MS4A18: variants seen among roughly 807,000 people sequenced by gnomAD.
MS4A18 encodes the protein membrane spanning 4-domains A18, also known as membrane-spanning 4-domains subfamily A member 18.
Under a neutral mutation model 13.1 loss-of-function variants are expected in MS4A18, and 27 were observed. The ratio of observed to expected loss-of-function variants is 2.06; its 90% CI spans 1.52 to 2.84. The LOEUF is 2.84. Among genes scored for constraint, MS4A18 ranks in the 30% most tolerant of loss-of-function variants. The pLI is 0.00. For missense variants in MS4A18, 307 were observed against 196.4 expected, an observed-to-expected ratio of 1.56 and a Z score of -3.37; for synonymous variants, 126 against 76.5, an observed-to-expected ratio of 1.65 and a Z score of -3.38.
At chr11:60,737,063 C>G in intron 3 of MS4A18, 29 bp downstream of exon 4, 1 of 701,048 alleles carries the variant, frequency 1.4e-6, no homozygotes, top group Non-Finnish European at 2.6e-6. Context: ...TTTGATGATC[C>G]TTGAATGTTA....
intron 1 of MS4A18, among the ~76,000 whole-genome samples, chr11:60,731,190 G>A (rs1853248800): frequency 6.6e-6 from 1 of 152,188 alleles, no homozygotes; most frequent in African/African-American, 2.4e-5. Context: ...GCTGGTCTAT[G>A]ATATTGCGTA....
At chr11:60,727,859 A>G (rs1180132887), upstream of MS4A18, among the ~76,000 whole-genome samples, 1 of 152,186 alleles carries the variant, frequency 6.6e-6, no homozygotes, top group Non-Finnish European at 1.5e-5. Flanking sequence ...CTTGCTCCCC[A>G]GCATCAAAAA....
chr11:60,738,662 A>G (rs1263190745), intron 3 of MS4A18, among the ~76,000 whole-genome samples: 3 of 152,060 alleles, frequency 2.0e-5, no homozygotes, highest in African/African-American at 7.2e-5. Flanking sequence ...CCCCCATGCC[A>G]CAAGTTGACC....
chr11:60,725,675 A>T (rs542878298), upstream of MS4A18, among the ~76,000 whole-genome samples: 1 of 152,306 alleles, frequency 6.6e-6, no homozygotes. Context: ...AGCAGAGTAT[A>T]ACATTTAGCA....
chr11:60,727,042 G>A (rs1481780655), upstream of MS4A18, among the ~76,000 whole-genome samples: 1 of 152,014 alleles, frequency 6.6e-6, no homozygotes, highest in Non-Finnish European at 1.5e-5. Context: ...TTAGTTTGCT[G>A]AGAATGATGG....
At chr11:60,734,400 T>G (rs1162088576) in intron 2 of MS4A18, among the ~76,000 whole-genome samples, 2 of 152,204 alleles carry the variant, frequency 1.3e-5, no homozygotes, top group Non-Finnish European at 2.9e-5. Flanking sequence ...AACCATTTGG[T>G]AGCAGGAAGT....
At chr11:60,734,135 A>C (rs997731189) in intron 2 of MS4A18, among the ~76,000 whole-genome samples, 1 of 152,156 alleles carries the variant, frequency 6.6e-6, no homozygotes, top group Non-Finnish European at 1.5e-5. Flanking sequence ...GTGCACTTGT[A>C]GTCCCAGCTA....
At chr11:60,737,174 C>G in intron 3 of MS4A18, 140 bp downstream of exon 4, 1 of 631,616 alleles carries the variant, frequency 1.6e-6, no homozygotes, top group Non-Finnish European at 2.8e-6. Context: ...TTATTCCAGT[C>G]AATCCCCATC....
upstream of MS4A18, among the ~76,000 whole-genome samples, chr11:60,726,717 C>CTTTTATTTTATTTTATTTTA (rs3044411): frequency 4.8e-3 from 605 of 124,938 alleles, 13 homozygotes; most frequent in African/African-American, 0.014. Flanking sequence ...TGGGGTAACA[C>CTTTTATTTTATTTTATTTTA]TTTTATTTTA....
chr11:60,738,821 C>T (rs544998334), intron 3 of MS4A18, 81 bp from the exon 5 acceptor site: 24 of 666,644 alleles, frequency 3.6e-5, no homozygotes, highest in African/African-American at 8.9e-5. Flanking sequence ...CTCTCTTCTC[C>T]GACTTCCCAA....
chr11:60,728,083 G>A (rs984084178), upstream of MS4A18, among the ~76,000 whole-genome samples: 2 of 152,158 alleles, frequency 1.3e-5, no homozygotes, highest in Admixed American at 6.5e-5. Flanking sequence ...TTTCTACATG[G>A]TCGCAATCCC....
At chr11:60,736,871 G>A (rs1853347552) in intron 2 of MS4A18, 107 bp from the exon 4 acceptor site, 2 of 645,300 alleles carry the variant, frequency 3.1e-6, no homozygotes, top group Admixed American at 2.6e-5. Context: ...TGTGAAACAA[G>A]GTGCATAGAA....
intron 2 of MS4A18, among the ~76,000 whole-genome samples, chr11:60,735,335 CTTT>C (rs71043724): frequency 1.4e-4 from 17 of 121,628 alleles, no homozygotes; most frequent in Non-Finnish European, 1.4e-4. Context: ...TAATGTTTTT[CTTT>C]TTTTTTTTTT....
At chr11:60,739,136 T>C (rs1303181659) in intron 4 of MS4A18, 139 bp downstream of exon 5, 1 of 617,408 alleles carries the variant, frequency 1.6e-6, no homozygotes, top group Non-Finnish European at 2.9e-6. Context: ...TATTTAACCG[T>C]CACCAAAACC....
chr11:60,732,806 A>G (rs1486078477), intron 1 of MS4A18, among the ~76,000 whole-genome samples: 4 of 151,976 alleles, frequency 2.6e-5, no homozygotes, highest in Non-Finnish European at 4.4e-5. Flanking sequence ...GGCACTTTTA[A>G]TCTCTACCAC....
At chr11:60,742,522 G>A (rs1274703718) in intron 5 of MS4A18, among the ~76,000 whole-genome samples, 2 of 152,150 alleles carry the variant, frequency 1.3e-5, no homozygotes, top group African/African-American at 2.4e-5. Flanking sequence ...TTGGGATTAG[G>A]CTTCTGTGAG....
rs913867179 is a variant in MS4A18 at position 60,730,451 on chromosome 11, C to T, written c.477+659C>T. ...ACTCATCCATTCAACACTGCACGTG[C>T]CCTGCAAGGAGCTGGAGACTCAGAG... On this transcript the variant is annotated intron_variant, in intron 1 of 5. Coordinates refer to ENST00000529108, the Ensembl canonical transcript of MS4A18. Among the ~76,000 whole-genome samples the T allele has an allele frequency of 2.6e-5, 4 of 152,320 alleles. No homozygotes were observed. The East Asian group carries it at 7.7e-4, about 29-fold the overall frequency.
At chr11:60,739,095 T>A in intron 4 of MS4A18, 98 bp downstream of exon 5, 1 of 660,214 alleles carries the variant, frequency 1.5e-6, no homozygotes, top group South Asian at 1.7e-5. Context: ...CAGAATTCCA[T>A]CCTAGTATGA....
exon 6 of MS4A18, chr11:60,743,876 C>T (rs2134683812): frequency 2.8e-6 from 2 of 703,186 alleles, no homozygotes; most frequent in East Asian, 2.7e-5. Context: ...AACATTGGCC[C>T]TGTCAATGTG....
Sources: allele counts gnomAD v4.1 joint callset (sites outside exome capture counted in the v4.1 genomes callset), GRCh38; gene constraint gnomAD v4.1.1; transcripts MANE v1.5; gene names NCBI Gene and HGNC (gene_info 2026-07-23, HGNC 2026-07-21).